Variants in ADGRB2 observed in about 807,000 individuals in gnomAD.
The protein encoded by ADGRB2 is adhesion G protein-coupled receptor B2, also known as brain-specific angiogenesis inhibitor 2.
A neutral mutation model predicts 178.7 loss-of-function variants in ADGRB2; 47 were observed. The observed-to-expected ratio is 0.26, with a 90% CI of 0.21 to 0.34. ADGRB2 has a LOEUF of 0.34. Among genes scored for constraint, ADGRB2 ranks in the 10% least tolerant of loss-of-function variants. The pLI, the probability that ADGRB2 is intolerant of heterozygous loss-of-function variation, is 1.00. For missense variants in ADGRB2, 1,584 were observed against 2,180.8 expected (o/e 0.73, Z 5.45); for synonymous variants, 870 against 912.4 (o/e 0.95, Z 0.84).
Position 31,742,878 on chromosome 1 carries a change from A to T in ADGRB2, c.1212T>A (p.Pro404=). 2 of 1,538,378 alleles carry T rather than the reference A, an allele frequency of 1.3e-6. No homozygotes were observed. Among genetic ancestry groups the T allele is most frequent in the Non-Finnish European group, 1.8e-6 (2 of 1,140,764 alleles). Residue 404 remains proline (P), a synonymous_variant, in exon 7 of 33, where the codon CCT becomes CCA. Transcript: ENST00000373658. ...TACTGCAGAGCTTAGTCTGCAGCTCAGGACCCTCGCAGGCCTTGCCGCCGT... is the reference window on the plus strand; with the variant it reads ...TACTGCAGAGCTTAGTCTGCAGCTCTGGACCCTCGCAGGCCTTGCCGCCGT... ...PQHGGKACEG[P]ELQTKLCSMA...
rs564158798 is a variant in ADGRB2, at chr1:31,759,184, G to A, written c.-190-1673C>T. 47 of 723,384 alleles carry A rather than the reference G, an allele frequency of 6.5e-5. No homozygotes were observed. In the East Asian group the frequency reaches 7.6e-4, roughly 12 times the overall value. 44.8% of individuals were successfully genotyped at this position (723,384 alleles called of 1,614,324 possible). On this transcript the variant is annotated intron_variant, in intron 1 of 32. Coordinates refer to ENST00000373658, the MANE Select transcript of ADGRB2 (RefSeq NM_001364857.2). The surrounding 1 kb of genome is among the most constrained non-coding windows in gnomAD (Gnocchi z 4.3). The stretch of plus-strand genomic sequence containing the variant: ...CATATGAATGGATACATATGTACAC[G>A]GACATGCACACAGGTGAAACCCACA...
chr1:31,739,787 G>A, intron 14 of ADGRB2, 139 bp downstream of exon 14: 1 of 1,187,188 alleles, frequency 8.4e-7, no homozygotes, highest in Non-Finnish European at 1.2e-6. Flanking sequence ...GACATACACA[G>A]AGAAACAGAC....
At position 31,727,506 on chromosome 1, in the gene ADGRB2, T is replaced by C; in HGVS notation, c.4672A>G (p.Lys1558Glu). ...KSMTLGSLPP[K>E]PRERLTLHRA... is the part of the protein sequence containing the mutation. ...TGCAGAGTCAGCCGTTCTCGGGGCT[T>C]GGGGGGCAGCGAGCCCAGTGTCATA... Residue 1558 changes from lysine (K) to glutamate (E), a missense_variant, in exon 33 of 33, where the codon AAG becomes GAG. Around this residue, in one of 3 missense-constraint regions of ADGRB2, gnomAD observed 865 missense variants for 1,192.8 expected, o/e 0.73. Transcript: ENST00000373658. The surrounding 1 kb of genome is among the most constrained non-coding windows in gnomAD (Gnocchi z 4.4). The C allele has an allele frequency of 6.3e-7, 1 of 1,596,026 alleles. No homozygotes were observed. The highest frequency in any genetic ancestry group is 8.5e-7 in the Non-Finnish European group (1 of 1,175,124).
rs759297714 is a variant in ADGRB2, at chr1:31,737,708, A to G, written c.2820T>C (p.Cys940=). 3 of 1,613,458 alleles carry G rather than the reference A, an allele frequency of 1.9e-6. No individual in the cohort carries two copies. In the Admixed American group the frequency reaches 5.0e-5, roughly 27 times the overall value. ...GSPSVPLVIG[C]AVSCMALLTL... ...TGAGCAGCGCCATGCACGACACTGC[A>G]CAGCCGATCACCAGGGGGACCGAGG... The change falls in exon 19 of 33, where the codon TGT becomes TGC. Residue 940 remains cysteine, a synonymous_variant. Transcript: ENST00000373658.
Position 31,740,233 on chromosome 1 carries a change from TC to T in ADGRB2, c.1990-56del, listed in dbSNP as rs36058591. Reference sequence around the variant, plus strand: ...TCCTAGCCCCAGGGAACAGGGGGCTTCCCCCACTATAGCCACACTTGCCGCC... The same window carrying T: ...TCCTAGCCCCAGGGAACAGGGGGCTTCCCCACTATAGCCACACTTGCCGCC... On this transcript the variant is annotated intron_variant, in intron 12 of 32. Transcript: ENST00000373658. This position sits in a 1 kb window ranked among gnomAD's most constrained non-coding sequence, Gnocchi z 5.9. 9 of 1,608,954 alleles carry T rather than the reference TC, an allele frequency of 5.6e-6. No individual in the cohort carries two copies. Among genetic ancestry groups the T allele is most frequent in the Non-Finnish European group, 7.6e-6 (9 of 1,176,692 alleles).
At chr1:31,737,796 G>C (rs199899147) in intron 18 of ADGRB2, 41 bp from the exon 19 acceptor site, 30 of 1,576,870 alleles carry the variant, frequency 1.9e-5, no homozygotes, top group East Asian at 4.5e-5. Flanking sequence ...TTCCTGGGAG[G>C]GGGGAGCTGC....
At position 31,755,538 on chromosome 1, in the gene ADGRB2, T is replaced by C. The variant is rs1179533734; in HGVS notation, c.838+461A>G. 1.3e-5 allele frequency among the ~76,000 whole-genome samples: 2 copies of C among 152,144 alleles called. No homozygotes were observed. The highest frequency in any genetic ancestry group is 2.9e-5 in the Non-Finnish European group (2 of 68,012). On this transcript the variant is annotated intron_variant, in intron 4 of 32. Transcript: ENST00000373658. The surrounding 1 kb of genome is among the most constrained non-coding windows in gnomAD (Gnocchi z 5.1). ...ACTCACTGACCTGTGTGGACAGGAATGCATCCCTGCTCCCTGCCTACTCCA... is the reference window on the plus strand; with the variant it reads ...ACTCACTGACCTGTGTGGACAGGAACGCATCCCTGCTCCCTGCCTACTCCA...
In ADGRB2 at chr1:31,740,281, G is replaced by A; in HGVS notation, c.1989+66C>T. On this transcript the variant is annotated intron_variant, in intron 12 of 32. Coordinates refer to ENST00000373658, the MANE Select transcript of ADGRB2 (RefSeq NM_001364857.2). This position sits in a 1 kb window ranked among gnomAD's most constrained non-coding sequence, Gnocchi z 5.9. ...CGCCTCTACAGCAGACTCTGCCTAG[G>A]GGCCTGGCCTCCCGCTTCAGTTTGG... The A allele has an allele frequency of 2.5e-6, 4 of 1,604,290 alleles. No homozygotes were observed. The highest frequency in any genetic ancestry group is 3.4e-6 in the Non-Finnish European group (4 of 1,173,382).
rs1168256644 is a variant in ADGRB2, at chr1:31,756,848, A to C, written c.22-33T>G. On this transcript the variant is annotated intron_variant, in intron 3 of 32. Transcript: ENST00000373658. The surrounding 1 kb of genome is among the most constrained non-coding windows in gnomAD (Gnocchi z 8.5). The stretch of plus-strand genomic sequence containing the variant: ...GAGAGACAGTGGTCAGCGGGCCCCC[A>C]GCACAGCCAGCATGGGCTCTGAACC... The C allele has an allele frequency of 1.4e-6, 2 of 1,447,978 alleles. No individual in the cohort carries two copies. The highest frequency in any genetic ancestry group is 2.8e-5 in the Admixed American group (1 of 35,408). The allele number at this position is 1,447,978 out of a possible 1,614,324, so 89.7% of individuals were successfully genotyped here.
chr1:31,756,166 C>T lies in ADGRB2; in HGVS notation c.671G>A (p.Ser224Asn). 1 of 1,613,336 alleles carries T rather than the reference C, an allele frequency of 6.2e-7. No individual in the cohort carries two copies. The highest frequency in any genetic ancestry group is 8.5e-7 in the Non-Finnish European group (1 of 1,179,864). The change falls in exon 4 of 33, where the codon AGC becomes AAC. Residue 224 changes from serine to asparagine, a missense_variant. Coordinates refer to ENST00000373658, the MANE Select transcript of ADGRB2 (RefSeq NM_001364857.2). This position sits in a 1 kb window ranked among gnomAD's most constrained non-coding sequence, Gnocchi z 8.5. Reference protein sequence around the residue: ...RACGFAQPGCSCPGEAGAGST... With the variant: ...RACGFAQPGCNCPGEAGAGST... ...GCCGGCCCCCGCCTCTCCAGGGCAG[C>T]TGCAGCCTGGCTGAGCAAAGCCGCA...
chr1:31,744,173 G>A lies in ADGRB2; in HGVS notation c.1087+20C>T. ...ACCTAACCCTGCAGGCAGGTGGGGT[G>A]GGGAGGAGGATGGGCCTACCTGGGC... On this transcript the variant is annotated intron_variant, in intron 6 of 32. Coordinates refer to ENST00000373658, the MANE Select transcript of ADGRB2 (RefSeq NM_001364857.2). The surrounding 1 kb of genome is among the most constrained non-coding windows in gnomAD (Gnocchi z 6.7). 1 of 1,509,502 alleles carries A rather than the reference G, an allele frequency of 6.6e-7. No homozygotes were observed. The highest frequency in any genetic ancestry group is 8.9e-7 in the Non-Finnish European group (1 of 1,123,216). 93.5% of individuals were successfully genotyped at this position (1,509,502 alleles called of 1,614,324 possible). A position where few individuals can be genotyped will look rare whatever the true frequency, so the allele number is the denominator to read the frequency against.
chr1:31,749,407 G>A lies in ADGRB2; in HGVS notation c.839-4676C>T, dbSNP rs141223201. ...ACACTGCAAAGCCATATGGACCTGT[G>A]GAAAGGGCACAGATTCTAGAGCCAG... is the stretch of plus-strand genomic sequence containing the variant. On this transcript the variant is annotated intron_variant, in intron 4 of 32. Transcript: ENST00000373658. 2.5e-4 allele frequency among the ~76,000 whole-genome samples: 38 copies of A among 152,340 alleles called. No individual in the cohort carries two copies. In the East Asian group the frequency reaches 5.2e-3, roughly 21 times the overall value.
chr1:31,731,049 C>A lies in ADGRB2; in HGVS notation c.4131G>T (p.Arg1377=). The A allele has an allele frequency of 6.3e-7, 1 of 1,584,250 alleles. No homozygotes were observed. Among genetic ancestry groups the A allele is most frequent in the South Asian group, 1.1e-5 (1 of 87,886 alleles). ...GGGGEDAPRA[R]PEGTPRRAAK... is the part of the protein sequence containing the mutation. ...CAGCTCGCCGGGGGGTCCCCTCCGG[C>A]CGGGCCCTGGGGGCATCCTCACCAC... The change falls in exon 29 of 33, where the codon CGG becomes CGT. Residue 1377 remains arginine, a synonymous_variant. Transcript: ENST00000373658.
rs71006321 is a variant in ADGRB2, at chr1:31,728,803, AAC to A, written c.4381-172_4381-171del. On this transcript the variant is annotated intron_variant, in intron 29 of 32. Coordinates refer to ENST00000373658, the MANE Select transcript of ADGRB2 (RefSeq NM_001364857.2). The surrounding 1 kb of genome is among the most constrained non-coding windows in gnomAD (Gnocchi z 6.7). ...TGGGGCAGCTTTTCAGGCCTCACTG[AAC>A]ACACACACACACACACACACACACA... is the stretch of plus-strand genomic sequence containing the variant. 0.048 allele frequency among the ~76,000 whole-genome samples: 5,549 copies of A among 115,408 alleles called. 165 individuals are homozygous for A. The highest frequency in any genetic ancestry group is 0.076 in the Middle Eastern group (18 of 236). 75.7% of individuals were successfully genotyped at this position (115,408 alleles called of 152,430 possible).
chr1:31,730,408 C>T (rs548953268), intron 29 of ADGRB2, among the ~76,000 whole-genome samples: 2 of 152,322 alleles, frequency 1.3e-5, no homozygotes, highest in East Asian at 3.9e-4. Flanking sequence ...CCACTTTACA[C>T]ACGAGAAAAT....
intron 4 of ADGRB2, among the ~76,000 whole-genome samples, chr1:31,752,299 C>G (rs3766825): frequency 6.6e-6 from 1 of 152,290 alleles, no homozygotes; most frequent in African/African-American, 2.4e-5. Context: ...GTCTGGGCCC[C>G]GCTCCCCACC....
chr1:31,758,091 G>A lies in ADGRB2; in HGVS notation c.-190-580C>T, dbSNP rs549863433. Among the ~76,000 whole-genome samples the A allele has an allele frequency of 8.5e-5, 13 of 152,254 alleles. No individual in the cohort carries two copies. The highest frequency in any genetic ancestry group is 5.8e-4 in the East Asian group (3 of 5,170). Reference sequence around the variant, plus strand: ...AACTGCCCAGAAAATGGAACCTAGCGCGTGGTCTGAATCAGCCCCACTTCC... The same window carrying A: ...AACTGCCCAGAAAATGGAACCTAGCACGTGGTCTGAATCAGCCCCACTTCC... On this transcript the variant is annotated intron_variant, in intron 1 of 32. Transcript: ENST00000373658. This position sits in a 1 kb window ranked among gnomAD's most constrained non-coding sequence, Gnocchi z 4.2.
chr1:31,743,832 T>G (rs1023432898), intron 6 of ADGRB2, among the ~76,000 whole-genome samples: 5 of 152,196 alleles, frequency 3.3e-5, no homozygotes, highest in African/African-American at 1.2e-4. Context: ...ATAGCCAAGG[T>G]CAGGGAGAAA....
Position 31,735,171 on chromosome 1 carries a change from G to T in ADGRB2, c.3452+12C>A. 7.0e-7 allele frequency: 1 copy of T among 1,418,960 alleles called. No individual in the cohort carries two copies. The highest frequency in any genetic ancestry group is 1.6e-5 in the South Asian group (1 of 61,514). 87.9% of individuals were successfully genotyped at this position (1,418,960 alleles called of 1,614,324 possible). A position where few individuals can be genotyped will look rare whatever the true frequency, so the allele number is the denominator to read the frequency against. ...CACCCACCCCCACCGCCCCCCAGGG[G>T]GCACGACTAACATGGCGTTCCTGGC... is the stretch of plus-strand genomic sequence containing the variant. On this transcript the variant is annotated intron_variant, in intron 25 of 32. Transcript: ENST00000373658. This position sits in a 1 kb window ranked among gnomAD's most constrained non-coding sequence, Gnocchi z 6.0.
Sources: gnomAD v4.1 joint callset for allele counts (sites outside exome capture counted in the v4.1 genomes callset) on GRCh38, gnomAD v4.1.1 for gene constraint, gnomAD v4.1.1 regional missense constraint, Gnocchi (gnomAD v3.1) non-coding constraint, MANE v1.5 for transcripts, NCBI Gene and HGNC (gene_info 2026-07-23, HGNC 2026-07-21) for gene names.